Variants in TBC1D5 observed in about 807,000 individuals in gnomAD.
The protein encoded by TBC1D5 is TBC1 domain family member 5.
TBC1D5 carries 75 observed loss-of-function variants against 100.3 expected under a neutral mutation model. The ratio of observed to expected loss-of-function variants is 0.75; its 90% CI spans 0.62 to 0.91. TBC1D5 has a LOEUF of 0.91. Among genes scored for constraint, TBC1D5 ranks in the 40% least tolerant of loss-of-function variants. The pLI is 0.00. For missense variants in TBC1D5, 910 were observed against 942.4 expected (o/e 0.97, Z 0.45); for synonymous variants, 323 against 325.6 (o/e 0.99, Z 0.09).
chr3:17,580,003 C>G (rs1005374355), intron 2 of TBC1D5, among the ~76,000 whole-genome samples: 2 of 152,072 alleles, frequency 1.3e-5, no homozygotes, highest in Non-Finnish European at 2.9e-5. Context: ...TCATAAAGAA[C>G]AATAGACACT....
At chr3:17,173,675 T>C (rs1461460953) in intron 19 of TBC1D5, among the ~76,000 whole-genome samples, 1 of 152,206 alleles carries the variant, frequency 6.6e-6, no homozygotes, top group African/African-American at 2.4e-5. Context: ...GTACCTTAAA[T>C]ATTCAGATAT....
At chr3:17,687,490 A>G (rs2070475320) in intron 1 of TBC1D5, among the ~76,000 whole-genome samples, 1 of 152,186 alleles carries the variant, frequency 6.6e-6, no homozygotes, top group Admixed American at 6.5e-5. Context: ...TAATCAAATA[A>G]TAACAAGGAG....
At chr3:17,737,443 G>C (rs981797006) in intron 1 of TBC1D5, among the ~76,000 whole-genome samples, 1 of 152,196 alleles carries the variant, frequency 6.6e-6, no homozygotes, top group East Asian at 1.9e-4. Context: ...CAGCCCTGAA[G>C]AGAACCTTAA....
rs1167792959 is a variant in TBC1D5, at chr3:17,544,395, G to T, written c.-35-35790C>A. Among the ~76,000 whole-genome samples, 3 of 152,198 alleles carry T rather than the reference G, an allele frequency of 2.0e-5. No individual in the cohort carries two copies. In the East Asian group the frequency reaches 5.8e-4, roughly 29 times the overall value. ...CGGCCGGGCGCACTGGCTCACGCTT[G>T]TAATCCCGGCACTCTGGGAGGCCAA... On this transcript the variant is annotated intron_variant, in intron 2 of 21. Coordinates refer to ENST00000253692, the Ensembl canonical transcript of TBC1D5.
chr3:17,303,833 C>CTTTTTTTTTTTTTT (rs140988557), intron 14 of TBC1D5, among the ~76,000 whole-genome samples: 2 of 84,486 alleles, frequency 2.4e-5, no homozygotes, highest in African/African-American at 9.9e-5. Context: ...CAATCTACCT[C>CTTTTTTTTTTTTTT]TTTTTTTTTT....
chr3:17,269,496 A>G (rs1013852572), intron 15 of TBC1D5, among the ~76,000 whole-genome samples: 4 of 151,944 alleles, frequency 2.6e-5, no homozygotes, highest in Admixed American at 2.6e-4. Flanking sequence ...TTTAACTTCA[A>G]TTTTTATTTT....
chr3:17,731,806 T>C (rs1376727733), intron 1 of TBC1D5, among the ~76,000 whole-genome samples: 1 of 152,066 alleles, frequency 6.6e-6, no homozygotes, highest in Non-Finnish European at 1.5e-5. Context: ...CTGGCTTGAA[T>C]AACTAGGGAG....
chr3:17,497,645 T>A (rs2095731326), intron 3 of TBC1D5, among the ~76,000 whole-genome samples: 1 of 152,212 alleles, frequency 6.6e-6, no homozygotes, highest in African/African-American at 2.4e-5. Context: ...TTGGCTAAAA[T>A]CAGTCCTATT....
At chr3:17,594,595 A>G (rs1394544846) in intron 2 of TBC1D5, among the ~76,000 whole-genome samples, 4 of 152,194 alleles carry the variant, frequency 2.6e-5, no homozygotes, top group African/African-American at 9.7e-5. Context: ...GCATGTATAC[A>G]CTTGTACTAA....
chr3:17,700,523 A>T lies in TBC1D5; in HGVS notation c.-101+38820T>A, dbSNP rs534831203. On this transcript the variant is annotated intron_variant, in intron 1 of 21. Coordinates refer to ENST00000253692, the Ensembl canonical transcript of TBC1D5. Reference sequence around the variant, plus strand: ...GAGTTTCTGCACAGCAAAAGAAACTACCATCAGAGTGAACAGGCAACCTAC... The same window carrying T: ...GAGTTTCTGCACAGCAAAAGAAACTTCCATCAGAGTGAACAGGCAACCTAC... 9.2e-5 allele frequency among the ~76,000 whole-genome samples: 14 copies of T among 152,344 alleles called. No individual in the cohort carries two copies. The East Asian group carries it at 2.7e-3, about 29-fold the overall frequency.
Position 17,690,336 on chromosome 3 carries a change from CCTCCCAAGTAGCT to C in TBC1D5, c.-101+48994_-101+49006del, listed in dbSNP as rs2070957955. ...GGTTCACGCCATTCTCCCGCCTCAG[CCTCCCAAGTAGCT>C]GGGACTACAGGCGCCCGCCACTACG... On this transcript the variant is annotated intron_variant, in intron 1 of 21. Coordinates refer to ENST00000253692, the Ensembl canonical transcript of TBC1D5. Among the ~76,000 whole-genome samples, 2 of 80,082 alleles carry C rather than the reference CCTCCCAAGTAGCT, an allele frequency of 2.5e-5. 1 individual carries two copies. Among genetic ancestry groups the C allele is most frequent in the Non-Finnish European group, 5.0e-5 (2 of 40,178 alleles). The allele number at this position is 80,082 out of a possible 152,430, so 52.5% of individuals were successfully genotyped here.
At chr3:17,327,054 C>T (rs1002207375) in intron 13 of TBC1D5, among the ~76,000 whole-genome samples, 8 of 152,196 alleles carry the variant, frequency 5.3e-5, no homozygotes, top group Non-Finnish European at 1.2e-4. Flanking sequence ...ACATTATTAA[C>T]ACCATTATCT....
chr3:17,299,858 C>CAAAAAA (rs10590475), intron 14 of TBC1D5, among the ~76,000 whole-genome samples: 2 of 48,586 alleles, frequency 4.1e-5, no homozygotes, highest in Non-Finnish European at 7.2e-5. Flanking sequence ...GACTCCGTCT[C>CAAAAAA]AAAAAAAAAA....
chr3:17,351,126 C>T (rs1257014310), intron 13 of TBC1D5, among the ~76,000 whole-genome samples: 1 of 152,114 alleles, frequency 6.6e-6, no homozygotes, highest in Non-Finnish European at 1.5e-5. Flanking sequence ...TTCTATGCTT[C>T]TTTAAATAAA....
intron 1 of TBC1D5, among the ~76,000 whole-genome samples, chr3:17,680,000 A>T (rs1399848989): frequency 6.6e-6 from 1 of 151,456 alleles, no homozygotes; most frequent in Non-Finnish European, 1.5e-5. Context: ...AGCAGCACCA[A>T]CCTTGTTTGA....
intron 1 of TBC1D5, among the ~76,000 whole-genome samples, chr3:17,720,016 T>C (rs2075563052): frequency 6.6e-6 from 1 of 150,990 alleles, no homozygotes; most frequent in Non-Finnish European, 1.5e-5. Context: ...GATCTAAAAC[T>C]ACACAAAAAT....
chr3:17,403,101 GA>G, intron 8 of TBC1D5, 79 bp downstream of exon 8: 2 of 1,252,936 alleles, frequency 1.6e-6, no homozygotes, highest in Non-Finnish European at 2.2e-6. Flanking sequence ...GTTGACTGCA[GA>G]TTTTGTGTTT....
At chr3:17,253,927 C>A (rs545668672) in intron 16 of TBC1D5, among the ~76,000 whole-genome samples, 1 of 152,272 alleles carries the variant, frequency 6.6e-6, no homozygotes, top group South Asian at 2.1e-4. Flanking sequence ...AGAAGGCTGA[C>A]TTTTCATATA....
rs764871352 is a variant in TBC1D5 at position 17,503,532 on chromosome 3, AT to A, written c.97+4941del. 4.9e-4 allele frequency among the ~76,000 whole-genome samples: 73 copies of A among 149,538 alleles called. 3 individuals are homozygous for A. Among genetic ancestry groups the A allele is most frequent in the Admixed American group, 3.3e-3 (50 of 15,172 alleles). On this transcript the variant is annotated intron_variant, in intron 3 of 21. Transcript: ENST00000253692. The stretch of plus-strand genomic sequence containing the variant: ...TGCCTAGTACACGCAAGGCACTCAA[AT>A]ATTTACTGAATGACAAAAAATGAAC...
Sources: allele counts gnomAD v4.1 joint callset (sites outside exome capture counted in the v4.1 genomes callset), GRCh38; gene constraint gnomAD v4.1.1; transcripts MANE v1.5; gene names NCBI Gene and HGNC (gene_info 2026-07-23, HGNC 2026-07-21).